Variants in FCGR2A observed in about 807,000 individuals in gnomAD.
FCGR2A encodes Fc gamma receptor IIa, also known as low affinity immunoglobulin gamma Fc region receptor II-a.
FCGR2A carries 18 observed loss-of-function variants against 29.3 expected under a neutral mutation model. The observed-to-expected ratio is 0.62, with a 90% CI of 0.43 to 0.91. The LOEUF is 0.91. Among genes scored for constraint, FCGR2A ranks in the 40% least tolerant of loss-of-function variants. The pLI is 0.00. For synonymous variants in FCGR2A, 126 were observed against 144.8 expected (o/e 0.87, Z 0.93); for missense variants, 287 against 393.0 (o/e 0.73, Z 2.28).
At chr1:161,510,802 C>T (rs1675722656) in intron 4 of FCGR2A, 32 bp from the exon 5 acceptor site, 9 of 1,613,104 alleles carry the variant, frequency 5.6e-6, no homozygotes, top group Non-Finnish European at 6.8e-6. Context: ...AATAGTAACC[C>T]CCCATCCTGC....
At chr1:161,511,398 G>T (rs551515902) in intron 5 of FCGR2A, among the ~76,000 whole-genome samples, 4 of 152,320 alleles carry the variant, frequency 2.6e-5, no homozygotes, top group South Asian at 2.1e-4. Flanking sequence ...AAAGCACTTT[G>T]CAATTGGTTC....
At chr1:161,513,018 G>C (rs1417455778) in intron 5 of FCGR2A, among the ~76,000 whole-genome samples, 1 of 152,164 alleles carries the variant, frequency 6.6e-6, no homozygotes, top group African/African-American at 2.4e-5. Context: ...GGCAAAGCTG[G>C]GTTGCTGGAA....
intron 6 of FCGR2A, among the ~76,000 whole-genome samples, chr1:161,515,964 A>G (rs1445283599): frequency 6.6e-6 from 1 of 152,182 alleles, no homozygotes; most frequent in African/African-American, 2.4e-5. Flanking sequence ...AAGCACTTAT[A>G]TAAATTACAT....
At chr1:161,507,046 G>A (rs879357543) in intron 3 of FCGR2A, among the ~76,000 whole-genome samples, 1 of 152,180 alleles carries the variant, frequency 6.6e-6, no homozygotes, top group Admixed American at 6.5e-5. Flanking sequence ...GAGGTGAGGG[G>A]AGGGTGAAGG....
rs1399839353 is a variant in FCGR2A, at chr1:161,513,245, G to C, written c.743-650G>C. On this transcript the variant is annotated intron_variant, in intron 5 of 6. Transcript: ENST00000271450. ...TTATGACAAAAACATGAGGCAATTAGGTGTGTTTTGGACACTAACCAGAGA... is the reference window on the plus strand; with the variant it reads ...TTATGACAAAAACATGAGGCAATTACGTGTGTTTTGGACACTAACCAGAGA... 5 of 150,558 alleles carry C rather than the reference G, an allele frequency of 3.3e-5. No homozygotes were observed. The East Asian group carries it at 9.7e-4, about 29-fold the overall frequency. 9.3% of individuals were successfully genotyped at this position (150,558 alleles called of 1,614,324 possible).
Position 161,518,591 on chromosome 1 carries a change from T to C in FCGR2A, c.*443T>C, listed in dbSNP as rs1676286488. The C allele has an allele frequency of 5.7e-6, 1 of 173,916 alleles. No individual in the cohort carries two copies. Among genetic ancestry groups the C allele is most frequent in the South Asian group, 1.2e-4 (1 of 8,386 alleles). 10.8% of individuals were successfully genotyped at this position (173,916 alleles called of 1,614,324 possible). On this transcript the variant is annotated 3_prime_UTR_variant, in exon 7 of 7. Transcript: ENST00000271450. ...CCACTGGAACACTAAACTTCATGAA[T>C]TGCGCCTCAGATTTTTCCTTTAACA...
chr1:161,505,740 T>C, intron 1 of FCGR2A, 188 bp downstream of exon 1: 1 of 709,608 alleles, frequency 1.4e-6, no homozygotes, highest in Non-Finnish European at 2.5e-6. Context: ...AGTTTCATAG[T>C]CCCTGGAAAG....
rs374255678 is a variant in FCGR2A at position 161,506,380 on chromosome 1, C to T, written c.153C>T (p.Asn51=). ...TGAAACTTGAGCCCCCGTGGATCAA[C>T]GTGCTCCAGGAGGACTCTGTGACTC... ...AVLKLEPPWI[N]VLQEDSVTLT... is the part of the protein sequence containing the mutation. The change falls in exon 3 of 7, where the codon AAC becomes AAT. Residue 51 remains asparagine, a synonymous_variant. Transcript: ENST00000271450. 4.8e-5 allele frequency: 78 copies of T among 1,614,234 alleles called. No individual in the cohort carries two copies. The highest frequency in any genetic ancestry group is 3.7e-4 in the South Asian group (34 of 91,090).
intron 3 of FCGR2A, among the ~76,000 whole-genome samples, chr1:161,509,484 A>G (rs976627446): frequency 1.3e-5 from 2 of 152,156 alleles, no homozygotes; most frequent in Non-Finnish European, 2.9e-5. Flanking sequence ...TAATCCCCAG[A>G]CCACAAAAAC....
At chr1:161,506,198 G>C in intron 2 of FCGR2A, 136 bp from the exon 3 acceptor site, 5 of 1,337,948 alleles carry the variant, frequency 3.7e-6, no homozygotes, top group Non-Finnish European at 5.3e-6. Context: ...AAGGGAATGA[G>C]GCCGCTGCAA....
intron 5 of FCGR2A, among the ~76,000 whole-genome samples, chr1:161,512,898 C>T (rs1171928191): frequency 3.3e-5 from 5 of 152,208 alleles, no homozygotes; most frequent in African/African-American, 4.8e-5. Context: ...CTGGATTATC[C>T]GTCTTGTTGT....
At chr1:161,511,310 G>T (rs1020735248) in intron 5 of FCGR2A, among the ~76,000 whole-genome samples, 1 of 152,152 alleles carries the variant, frequency 6.6e-6, no homozygotes, top group African/African-American at 2.4e-5. Context: ...CTGAGGCTGG[G>T]TGGGGCTTAT....
intron 6 of FCGR2A, among the ~76,000 whole-genome samples, chr1:161,514,231 C>A (rs1296041086): frequency 1.3e-5 from 2 of 151,620 alleles, no homozygotes; most frequent in Non-Finnish European, 2.9e-5. Flanking sequence ...AGCCAACTAA[C>A]ATAATTATGT....
intron 6 of FCGR2A, among the ~76,000 whole-genome samples, chr1:161,515,980 C>A (rs1330644978): frequency 2.0e-5 from 3 of 152,096 alleles, no homozygotes; most frequent in Non-Finnish European, 4.4e-5. Context: ...TACATATTTT[C>A]TCAGAAGAAA....
Position 161,513,800 on chromosome 1 carries a change from T to C in FCGR2A, c.743-95T>C. 2.7e-5 allele frequency: 43 copies of C among 1,581,846 alleles called. No homozygotes were observed. In the South Asian group the frequency reaches 4.6e-4, roughly 17 times the overall value. ...TGTCAAGGGGTCAGCAGTCCTTGCT[T>C]TGAGTCTGGTTATGGTTTTGCAGCC... is the stretch of plus-strand genomic sequence containing the variant. On this transcript the variant is annotated intron_variant, in intron 5 of 6. Transcript: ENST00000271450.
downstream of FCGR2A, among the ~76,000 whole-genome samples, chr1:161,520,400 A>G (rs1409216307): frequency 9.9e-5 from 15 of 151,510 alleles, no homozygotes; most frequent in African/African-American, 3.2e-4. Context: ...AGACTCACTC[A>G]CTATTATGAG....
At position 161,514,277 on chromosome 1, in the gene FCGR2A, A is replaced by G. The variant is rs565987748; in HGVS notation, c.780+345A>G. 1.3e-4 allele frequency among the ~76,000 whole-genome samples: 19 copies of G among 150,884 alleles called. 2 individuals are homozygous for G. The highest frequency in any genetic ancestry group is 4.7e-4 in the African/African-American group (19 of 40,786). On this transcript the variant is annotated intron_variant, in intron 6 of 6. Coordinates refer to ENST00000271450, the MANE Select transcript of FCGR2A (RefSeq NM_001136219.3). ...ACTTCAGTAAGGTACCTCACCCAAA[A>G]GACAATTATGTAACTGCAAACCTAT...
chr1:161,507,260 A>G (rs1273074671), intron 3 of FCGR2A, among the ~76,000 whole-genome samples: 1 of 152,090 alleles, frequency 6.6e-6, no homozygotes, highest in African/African-American at 2.4e-5. Flanking sequence ...CTGGGACTCC[A>G]GGCACACACC....
rs1398628568 is a variant in FCGR2A, at chr1:161,518,949, TC to T, written c.*802del. 3.2e-6 allele frequency: 1 copy of T among 314,824 alleles called. No homozygotes were observed. The highest frequency in any genetic ancestry group is 6.3e-6 in the Non-Finnish European group (1 of 159,222). The allele number at this position is 314,824 out of a possible 1,614,324, so 19.5% of individuals were successfully genotyped here. On this transcript the variant is annotated 3_prime_UTR_variant, in exon 7 of 7. Transcript: ENST00000271450. ...CTTTAACATCTTCTTTCCTATGCCCTCTCTGTGGATCCCTACTGCTGGTTTC... is the reference window on the plus strand; with the variant it reads ...CTTTAACATCTTCTTTCCTATGCCCTTCTGTGGATCCCTACTGCTGGTTTC...
Sources: gnomAD v4.1 joint callset for allele counts (sites outside exome capture counted in the v4.1 genomes callset) on GRCh38, gnomAD v4.1.1 for gene constraint, MANE v1.5 for transcripts, NCBI Gene and HGNC (gene_info 2026-07-23, HGNC 2026-07-21) for gene names.